Variants in NUDC observed in about 807,000 individuals in gnomAD.
The protein encoded by NUDC is nuclear distribution C, dynein complex regulator.
Under a neutral mutation model 45.0 loss-of-function variants are expected in NUDC, and 14 were observed. The observed-to-expected ratio is 0.31, with a 90% CI of 0.21 to 0.49. The LOEUF (loss-of-function observed/expected upper bound fraction) is 0.49. Ranked by LOEUF, NUDC falls within the 20% of genes least tolerant of loss-of-function variation. NUDC has a pLI of 0.99. For missense variants in NUDC, 323 were observed against 426.2 expected (o/e 0.76, Z 2.13); for synonymous variants, 153 against 156.7 (o/e 0.98, Z 0.17).
chr1:26,944,877 A>T (rs527348665), intron 6 of NUDC, among the ~76,000 whole-genome samples: 9 of 152,154 alleles, frequency 5.9e-5, no homozygotes, highest in Admixed American at 2.0e-4. Context: ...CCCCGTCTCT[A>T]CTAAAAATAC....
At chr1:26,944,191 G>A (rs1257296391) in intron 6 of NUDC, among the ~76,000 whole-genome samples, 1 of 151,710 alleles carries the variant, frequency 6.6e-6, no homozygotes, top group Non-Finnish European at 1.5e-5. Flanking sequence ...ACCATGCCCA[G>A]CCCTTTCCCT....
intron 2 of NUDC, among the ~76,000 whole-genome samples, chr1:26,907,031 T>G (rs1391738748): frequency 6.6e-6 from 1 of 152,052 alleles, no homozygotes; most frequent in African/African-American, 2.4e-5. Context: ...CCTCCACCAG[T>G]TTCATTGGGA....
chr1:26,920,585 T>G (rs2082084279), upstream of NUDC, among the ~76,000 whole-genome samples: 1 of 149,062 alleles, frequency 6.7e-6, no homozygotes, highest in African/African-American at 2.5e-5. Context: ...GAGCTGAAAA[T>G]TGGAGAGGTA....
At chr1:26,930,522 G>A (rs1201239684) in intron 2 of NUDC, among the ~76,000 whole-genome samples, 5 of 152,064 alleles carry the variant, frequency 3.3e-5, no homozygotes, top group Non-Finnish European at 5.9e-5. Flanking sequence ...GACCAGTCTG[G>A]TCCAACATAG....
intron 8 of NUDC, 57 bp from the exon 9 acceptor site, chr1:26,946,073 A>G (rs899754784): frequency 3.8e-5 from 59 of 1,541,488 alleles, no homozygotes; most frequent in Non-Finnish European, 5.0e-5. Context: ...GTGCTGGGAG[A>G]AGGGACAGCT....
At chr1:26,932,928 A>G (rs1352145368) in intron 2 of NUDC, among the ~76,000 whole-genome samples, 4 of 152,042 alleles carry the variant, frequency 2.6e-5, no homozygotes, top group African/African-American at 9.7e-5. Flanking sequence ...CATCCCCTTT[A>G]AGGCTGAATA....
At chr1:26,932,412 C>T (rs545832385) in intron 2 of NUDC, among the ~76,000 whole-genome samples, 20 of 151,928 alleles carry the variant, frequency 1.3e-4, no homozygotes, top group Non-Finnish European at 2.1e-4. Context: ...AACTCCTGAC[C>T]GCATGATCCT....
chr1:26,926,222 A>T (rs1342515323), intron 2 of NUDC, among the ~76,000 whole-genome samples: 1 of 152,098 alleles, frequency 6.6e-6, no homozygotes, highest in Non-Finnish European at 1.5e-5. Context: ...ACATAATAAG[A>T]AGGAGACGTA....
chr1:26,924,076 C>T lies in NUDC; in HGVS notation c.82-13C>T, dbSNP rs1163720453. On this transcript the variant is annotated splice_polypyrimidine_tract_variant and intron_variant, in intron 1 of 8. Coordinates refer to ENST00000321265, the MANE Select transcript of NUDC (RefSeq NM_006600.4). Reference sequence around the variant, plus strand: ...TGCAGCTCTACTACTTTAATCTTCTCCCCCTCTTTCAGCTTGTGAACACCT... The same window carrying T: ...TGCAGCTCTACTACTTTAATCTTCTTCCCCTCTTTCAGCTTGTGAACACCT... 3 of 1,613,536 alleles carry T rather than the reference C, an allele frequency of 1.9e-6. No homozygotes were observed. Among genetic ancestry groups the T allele is most frequent in the Non-Finnish European group, 2.5e-6 (3 of 1,179,510 alleles).
At chr1:26,934,849 G>A (rs1317411574) in intron 2 of NUDC, among the ~76,000 whole-genome samples, 1 of 151,948 alleles carries the variant, frequency 6.6e-6, no homozygotes, top group Non-Finnish European at 1.5e-5. Flanking sequence ...AGTAAAGACG[G>A]GGTTTCACCG....
At chr1:26,905,222 A>T (rs1161241123) in intron 2 of NUDC, among the ~76,000 whole-genome samples, 1 of 120,058 alleles carries the variant, frequency 8.3e-6, no homozygotes, top group African/African-American at 3.2e-5. Context: ...GTGCAATGGC[A>T]CCATCTCGGC....
chr1:26,906,036 C>T (rs1175019788), intron 2 of NUDC, among the ~76,000 whole-genome samples: 1 of 152,136 alleles, frequency 6.6e-6, no homozygotes, highest in African/African-American at 2.4e-5. Flanking sequence ...AATCCCAGCA[C>T]TTTGGGAGGG....
rs531332413 is a variant in NUDC, at chr1:26,944,115, C to T, written c.741+1050C>T. ...TTCACCGTGTTAGCCAGGATGGTCTCGATCTCCTGACCTTGTGATCCGCCC... is the reference window on the plus strand; with the variant it reads ...TTCACCGTGTTAGCCAGGATGGTCTTGATCTCCTGACCTTGTGATCCGCCC... On this transcript the variant is annotated intron_variant, in intron 6 of 8. Coordinates refer to ENST00000321265, the MANE Select transcript of NUDC (RefSeq NM_006600.4). 3.3e-5 allele frequency among the ~76,000 whole-genome samples: 5 copies of T among 151,922 alleles called. No homozygotes were observed. In the East Asian group the frequency reaches 7.8e-4, roughly 24 times the overall value.
chr1:26,903,203 A>T (rs1244664066), intron 2 of NUDC, among the ~76,000 whole-genome samples: 1 of 152,206 alleles, frequency 6.6e-6, no homozygotes, highest in Admixed American at 6.5e-5. Flanking sequence ...CAGTCAGAAA[A>T]CACAGAATTG....
At chr1:26,911,324 A>G in intron 3 of NUDC, 2 of 383,454 alleles carry the variant, frequency 5.2e-6, no homozygotes, top group Admixed American at 3.5e-5. Flanking sequence ...CCCTGAGGAT[A>G]AAGACAATGA....
chr1:26,926,118 G>A (rs2082130474), intron 2 of NUDC, among the ~76,000 whole-genome samples: 1 of 151,064 alleles, frequency 6.6e-6, no homozygotes, highest in African/African-American at 2.4e-5. Flanking sequence ...TTGGGTTCAA[G>A]CAATTATTGT....
chr1:26,922,094 C>G (rs1430172264), intron 1 of NUDC, 165 bp downstream of exon 1: 2 of 715,610 alleles, frequency 2.8e-6, no homozygotes, highest in African/African-American at 1.7e-5. Context: ...GCCAGCAGGT[C>G]TCACCCGGTT....
At chr1:26,924,916 T>G (rs2082118812) in intron 2 of NUDC, among the ~76,000 whole-genome samples, 1 of 151,800 alleles carries the variant, frequency 6.6e-6, no homozygotes, top group African/African-American at 2.4e-5. Context: ...AGTCTCATTC[T>G]GTTGCGCAGG....
intron 2 of NUDC, among the ~76,000 whole-genome samples, chr1:26,908,089 G>A (rs2082009987): frequency 6.6e-6 from 1 of 152,074 alleles, no homozygotes; most frequent in Non-Finnish European, 1.5e-5. Context: ...TGAAGCAACG[G>A]AATTGCTTGA....
Sources: gnomAD v4.1 joint callset for allele counts (sites outside exome capture counted in the v4.1 genomes callset) on GRCh38, gnomAD v4.1.1 for gene constraint, MANE v1.5 for transcripts, NCBI Gene and HGNC (gene_info 2026-07-23, HGNC 2026-07-21) for gene names.